RABGAP1L: variants seen among roughly 807,000 people sequenced by gnomAD.
RABGAP1L encodes the protein RAB GTPase activating protein 1 like, also known as rab GTPase-activating protein 1-like.
In RABGAP1L, 63 loss-of-function variants were observed where a neutral mutation model predicts 137.7. The observed-to-expected ratio is 0.46, with a 90% CI of 0.37 to 0.56. RABGAP1L has a LOEUF of 0.56. Ranked by LOEUF, RABGAP1L falls within the 20% of genes least tolerant of loss-of-function variation. RABGAP1L has a pLI of 0.00. For synonymous variants in RABGAP1L, 431 were observed against 433.7 expected (o/e 0.99, Z 0.08); for missense variants, 1,095 against 1,244.0 (o/e 0.88, Z 1.80).
chr1:174,697,448 G>C (rs1490546059), intron 15 of RABGAP1L, among the ~76,000 whole-genome samples: 1 of 151,984 alleles, frequency 6.6e-6, no homozygotes, highest in African/African-American at 2.4e-5. Context: ...AGCTTCCCCA[G>C]TATCTAGGAT....
At chr1:174,533,059 C>A (rs1664571716) in intron 13 of RABGAP1L, among the ~76,000 whole-genome samples, 1 of 152,092 alleles carries the variant, frequency 6.6e-6, no homozygotes, top group South Asian at 2.1e-4. Context: ...ACAGTGAAAC[C>A]CTGTCTCTAC....
At chr1:174,893,651 C>T (rs1656641315) in intron 19 of RABGAP1L, among the ~76,000 whole-genome samples, 1 of 152,172 alleles carries the variant, frequency 6.6e-6, no homozygotes, top group Non-Finnish European at 1.5e-5. Context: ...TTAGATAGAT[C>T]CAGATAACAT....
Position 174,247,342 on chromosome 1 carries a change from GAAAGAGTCATGGCCC to G in RABGAP1L, c.718-3129_718-3115del, listed in dbSNP as rs1571761887. Among the ~76,000 whole-genome samples, 3 of 152,350 alleles carry G rather than the reference GAAAGAGTCATGGCCC, an allele frequency of 2.0e-5. No homozygotes were observed. The East Asian group carries it at 5.8e-4, about 29-fold the overall frequency. The stretch of plus-strand genomic sequence containing the variant: ...ATACGCTTAAGTCCGGGAGTAGCCA[GAAAGAGTCATGGCCC>G]AAAACCCCCTAACAGCAGTTAGTGT... On this transcript the variant is annotated intron_variant, in intron 5 of 25. Transcript: ENST00000681986.
chr1:174,513,583 A>G (rs951823570), intron 13 of RABGAP1L, among the ~76,000 whole-genome samples: 1 of 152,178 alleles, frequency 6.6e-6, no homozygotes, highest in African/African-American at 2.4e-5. Flanking sequence ...ACTGCACTAC[A>G]GCCTAGGCAA....
intron 12 of RABGAP1L, among the ~76,000 whole-genome samples, chr1:174,385,922 C>T (rs546996933): frequency 5.9e-5 from 9 of 152,190 alleles, no homozygotes; most frequent in East Asian, 3.9e-4. Context: ...TGATAGGAAA[C>T]GAGGACACAT....
At chr1:174,345,169 C>T (rs185025918) in intron 11 of RABGAP1L, among the ~76,000 whole-genome samples, 1 of 152,128 alleles carries the variant, frequency 6.6e-6, no homozygotes, top group Non-Finnish European at 1.5e-5. Context: ...ATGCCAACCC[C>T]ATGCTGTTTT....
intron 1 of RABGAP1L, among the ~76,000 whole-genome samples, chr1:174,187,356 A>G (rs1046734590): frequency 6.6e-6 from 1 of 151,970 alleles, no homozygotes; most frequent in Non-Finnish European, 1.5e-5. Flanking sequence ...GGCCATCCAT[A>G]TATATTGGGT....
intron 18 of RABGAP1L, among the ~76,000 whole-genome samples, chr1:174,752,583 G>T (rs550070120): frequency 6.6e-6 from 1 of 151,632 alleles, no homozygotes; most frequent in Non-Finnish European, 1.5e-5. Flanking sequence ...TACTATCATA[G>T]AGCTCTTTCC....
At chr1:174,264,694 C>T (rs1301957803) in intron 7 of RABGAP1L, among the ~76,000 whole-genome samples, 1 of 152,034 alleles carries the variant, frequency 6.6e-6, no homozygotes, top group Non-Finnish European at 1.5e-5. Flanking sequence ...TTTTCTCTCA[C>T]TCTACATCTA....
In RABGAP1L at chr1:174,216,911, G is replaced by GA. The variant is rs146163869; in HGVS notation, c.-33-2206dup. 4.0e-5 allele frequency among the ~76,000 whole-genome samples: 6 copies of GA among 151,712 alleles called. No homozygotes were observed. The South Asian group carries it at 8.3e-4, about 21-fold the overall frequency. ...TTTCATGTAATCTAATTTATTTTCC[G>GA]AAAAAAAATTAAATAAATTGGCAGC... On this transcript the variant is annotated intron_variant, in intron 1 of 25. Transcript: ENST00000681986.
chr1:174,431,932 G>A lies in RABGAP1L; in HGVS notation c.1710+37787G>A, dbSNP rs149149937. Among the ~76,000 whole-genome samples the A allele has an allele frequency of 5.3e-3, 804 of 152,140 alleles. 5 individuals carry two copies. The highest frequency in any genetic ancestry group is 8.8e-3 in the Non-Finnish European group (598 of 67,980). ...AAACAATTTTTTTTTAAAAACTTGG[G>A]ATCATTTTTCTTTTTCTTTTTTAAA... On this transcript the variant is annotated intron_variant, in intron 13 of 25. Coordinates refer to ENST00000681986, the MANE Select transcript of RABGAP1L (RefSeq NM_001366446.1).
At chr1:174,816,443 G>A (rs1690424796) in intron 19 of RABGAP1L, among the ~76,000 whole-genome samples, 1 of 151,914 alleles carries the variant, frequency 6.6e-6, no homozygotes, top group African/African-American at 2.4e-5. Context: ...ACCACACCAG[G>A]CCTCGTAATA....
intron 19 of RABGAP1L, among the ~76,000 whole-genome samples, chr1:174,951,557 A>G (rs1231160819): frequency 6.6e-6 from 1 of 152,102 alleles, no homozygotes; most frequent in Non-Finnish European, 1.5e-5. Context: ...AGTGCTAAAA[A>G]CCTTGCACAC....
At chr1:174,429,798 G>A (rs1286896914) in intron 13 of RABGAP1L, among the ~76,000 whole-genome samples, 4 of 151,794 alleles carry the variant, frequency 2.6e-5, no homozygotes, top group East Asian at 1.9e-4. Flanking sequence ...GGGAAACAAA[G>A]GAGACACATA....
chr1:174,307,133 CAG>C lies in RABGAP1L; in HGVS notation c.1465+2011_1465+2012del, dbSNP rs1172010745. The stretch of plus-strand genomic sequence containing the variant: ...GTTTTAAGGATGAGAAACTGAGACA[CAG>C]AGAGCATCATCACTTGCTAAGCTCA... On this transcript the variant is annotated intron_variant, in intron 11 of 25. Coordinates refer to ENST00000681986, the MANE Select transcript of RABGAP1L (RefSeq NM_001366446.1). Among the ~76,000 whole-genome samples, 5 of 152,122 alleles carry C rather than the reference CAG, an allele frequency of 3.3e-5. No homozygotes were observed. The East Asian group carries it at 7.7e-4, about 23-fold the overall frequency.
intron 13 of RABGAP1L, among the ~76,000 whole-genome samples, chr1:174,621,501 C>G (rs1019203942): frequency 1.1e-4 from 17 of 152,242 alleles, no homozygotes; most frequent in East Asian, 9.6e-4. Context: ...GGTAGCAAAA[C>G]AGAGATATAG....
chr1:174,949,597 A>G (rs1484419244), intron 19 of RABGAP1L, among the ~76,000 whole-genome samples: 1 of 152,162 alleles, frequency 6.6e-6, no homozygotes, highest in Non-Finnish European at 1.5e-5. Context: ...AAATATCTTG[A>G]ATGTTAACCA....
chr1:174,779,016 T>C (rs1686749394), intron 18 of RABGAP1L, among the ~76,000 whole-genome samples: 1 of 152,232 alleles, frequency 6.6e-6, no homozygotes, highest in South Asian at 2.1e-4. Flanking sequence ...AGTGATTCTA[T>C]ATAAAATCTT....
chr1:174,784,309 G>A (rs989930729), intron 18 of RABGAP1L, among the ~76,000 whole-genome samples: 6 of 151,942 alleles, frequency 3.9e-5, no homozygotes, highest in Non-Finnish European at 8.8e-5. Context: ...TTGAGCCACC[G>A]CGCCTGGACT....
Sources: gnomAD v4.1 joint callset for allele counts (sites outside exome capture counted in the v4.1 genomes callset) on GRCh38, gnomAD v4.1.1 for gene constraint, MANE v1.5 for transcripts, NCBI Gene and HGNC (gene_info 2026-07-23, HGNC 2026-07-21) for gene names.